The following KDM6A variants were observed in gnomAD, a reference collection of about 807,000 sequenced individuals.
The protein encoded by KDM6A is lysine demethylase 6A, also known as lysine-specific demethylase 6A.
Under a neutral mutation model 117.6 loss-of-function variants are expected in KDM6A, and 11 were observed. That is an observed-to-expected ratio of 0.09 (90% CI 0.06 to 0.15). The LOEUF is 0.15. Ranked by LOEUF, KDM6A falls within the 10% of genes least tolerant of loss-of-function variation. KDM6A has a pLI of 1.00. For missense variants in KDM6A, 799 were observed against 1,077.3 expected (o/e 0.74, Z 3.62); for synonymous variants, 384 against 396.1 (o/e 0.97, Z 0.36).
chrX:44,981,459 C>A (rs1350447116), intron 4 of KDM6A, among the ~76,000 whole-genome samples: 1 of 111,759 alleles, frequency 8.9e-6, no homozygotes, highest in African/African-American at 3.2e-5. Context: ...GGGCATGTCA[C>A]CCTCTAGGGA....
At chrX:45,099,722 G>A (rs1008535285) in intron 27 of KDM6A, among the ~76,000 whole-genome samples, 7 of 111,587 alleles carry the variant, frequency 6.3e-5, no homozygotes, top group South Asian at 3.7e-4. Context: ...TTAATTTTAC[G>A]ACTGGTAGAT....
At chrX:44,881,323 C>T (rs1023322663) in intron 2 of KDM6A, among the ~76,000 whole-genome samples, 2 of 111,323 alleles carry the variant, frequency 1.8e-5, no homozygotes, top group African/African-American at 3.3e-5. Flanking sequence ...CCCAGCTACT[C>T]GAGAGGCTGA....
At chrX:44,908,461 C>T (rs906084314) in intron 2 of KDM6A, among the ~76,000 whole-genome samples, 8 of 111,592 alleles carry the variant, frequency 7.2e-5, no homozygotes, top group Admixed American at 2.9e-4. Flanking sequence ...ACATGTGTGG[C>T]ACCTTGGCAA....
chrX:44,959,377 G>A (rs1023615365), intron 2 of KDM6A, among the ~76,000 whole-genome samples: 1 of 109,314 alleles, frequency 9.1e-6, no homozygotes, highest in South Asian at 3.9e-4. Flanking sequence ...GGCAATTGAT[G>A]ATCAAGGCAG....
In KDM6A at chrX:44,903,884, A is replaced by G. The variant is rs180824402; in HGVS notation, c.225+29897A>G. Among the ~76,000 whole-genome samples, 12 of 111,526 alleles carry G rather than the reference A, an allele frequency of 1.1e-4. No individual in the cohort carries two copies. The East Asian group carries it at 3.4e-3, about 31-fold the overall frequency. ...ACTTTATGTAAAAGATGTTTTTCAT[A>G]TTTTTGTTTACTTGAGGTCATGTTT... On this transcript the variant is annotated intron_variant, in intron 2 of 29. Coordinates refer to ENST00000611820, the MANE Select transcript of KDM6A (RefSeq NM_001291415.2).
intron 3 of KDM6A, among the ~76,000 whole-genome samples, chrX:44,972,297 T>C (rs939608182): frequency 9.0e-6 from 1 of 111,455 alleles, no homozygotes; most frequent in Non-Finnish European, 1.9e-5. Flanking sequence ...ATGATACTGC[T>C]ACCACAAGCC....
At chrX:44,992,638 C>T (rs1490445013) in intron 4 of KDM6A, among the ~76,000 whole-genome samples, 1 of 109,706 alleles carries the variant, frequency 9.1e-6, no homozygotes, top group Non-Finnish European at 1.9e-5. Flanking sequence ...GTAACCTCCA[C>T]CTCCTGGGTT....
intron 27 of KDM6A, among the ~76,000 whole-genome samples, chrX:45,091,218 A>G (rs771145250): frequency 4.5e-5 from 5 of 111,650 alleles, no homozygotes; most frequent in South Asian, 3.7e-4. Context: ...GTTGTCACAG[A>G]CAAATTAGCA....
At position 45,079,303 on chromosome X, in the gene KDM6A, T is replaced by C; in HGVS notation, c.3252T>C (p.Ile1084=). ...HCESNRSHTT[I]AKYAQYQASS... ...AAAGTAATAGATCTCATACTACAATTGCTAAATATGCACAGTACCAGGCCT... is the reference window on the plus strand; with the variant it reads ...AAAGTAATAGATCTCATACTACAATCGCTAAATATGCACAGTACCAGGCCT... Residue 1084 remains isoleucine, a synonymous_variant, in exon 21 of 30, where the codon ATT becomes ATC. Coordinates refer to ENST00000611820, the MANE Select transcript of KDM6A (RefSeq NM_001291415.2). 1 of 1,201,123 alleles carries C rather than the reference T, an allele frequency of 8.3e-7. No individual in the cohort carries two copies. The highest frequency in any genetic ancestry group is 1.1e-6 in the Non-Finnish European group (1 of 886,120).
In KDM6A at chrX:45,051,767, C is replaced by G; in HGVS notation, c.713C>G (p.Ser238Cys). ...CAACTTTTGCAGACAGAGAATCTTT[C>G]TGCACAAGTAAAAGCAACTGTCTTA... is the stretch of plus-strand genomic sequence containing the variant. ...YEQLLQTENL[S>C]AQVKATVLQQ... is the part of the protein sequence containing the mutation. The change falls in exon 9 of 30, where the codon TCT (serine) becomes TGT (cysteine). Residue 238 changes from serine to cysteine, a missense_variant. Ser to Cys is a moderately radical substitution (Grantham distance 112). Coordinates refer to ENST00000611820, the MANE Select transcript of KDM6A (RefSeq NM_001291415.2). 8.4e-7 allele frequency: 1 copy of G among 1,184,446 alleles called. No homozygotes were observed. Among genetic ancestry groups the G allele is most frequent in the Non-Finnish European group, 1.1e-6 (1 of 872,154 alleles).
intron 17 of KDM6A, among the ~76,000 whole-genome samples, chrX:45,066,344 G>A (rs1035303574): frequency 1.8e-5 from 2 of 111,994 alleles, no homozygotes; most frequent in Non-Finnish European, 3.8e-5. Context: ...TCCATATACC[G>A]TGGCATAAAA....
In KDM6A at chrX:44,911,553, G is replaced by A. The variant is rs775112840; in HGVS notation, c.225+37566G>A. Among the ~76,000 whole-genome samples, 17 of 110,738 alleles carry A rather than the reference G, an allele frequency of 1.5e-4. No individual in the cohort carries two copies. In the South Asian group the frequency reaches 4.2e-3, roughly 27 times the overall value. ...TCCTGACTTCCCAGACTGGGCAGCC[G>A]GGCAGAGGGGCTCTTCACATCCCAG... On this transcript the variant is annotated intron_variant, in intron 2 of 29. Coordinates refer to ENST00000611820, the MANE Select transcript of KDM6A (RefSeq NM_001291415.2).
chrX:44,913,514 G>A (rs1311736122), intron 2 of KDM6A, among the ~76,000 whole-genome samples: 2 of 109,557 alleles, frequency 1.8e-5, no homozygotes, highest in Non-Finnish European at 3.8e-5. Context: ...TGTTGGCCAG[G>A]CTGGTCTCGA....
At chrX:44,901,361 A>T (rs1017029127) in intron 2 of KDM6A, among the ~76,000 whole-genome samples, 8 of 106,975 alleles carry the variant, frequency 7.5e-5, no homozygotes, top group South Asian at 4.0e-4. Flanking sequence ...ATCTCAAAAA[A>T]ATATATATAT....
chrX:44,926,266 T>C (rs1051791511), intron 2 of KDM6A, among the ~76,000 whole-genome samples: 35 of 111,029 alleles, frequency 3.2e-4, no homozygotes, highest in African/African-American at 1.0e-3. Context: ...AGAGACAGGG[T>C]TTGGTCATGT....
chrX:44,987,762 T>G (rs1279490017), intron 4 of KDM6A, among the ~76,000 whole-genome samples: 1 of 112,165 alleles, frequency 8.9e-6, no homozygotes, highest in Non-Finnish European at 1.9e-5. Flanking sequence ...TTGTATAGTT[T>G]CTGCTGAGAG....
chrX:45,046,163 T>C (rs1251946864), intron 8 of KDM6A, among the ~76,000 whole-genome samples: 1 of 111,655 alleles, frequency 9.0e-6, no homozygotes, highest in Non-Finnish European at 1.9e-5. Flanking sequence ...TCTTCGGAAA[T>C]CTATTAATAT....
chrX:44,954,134 T>C (rs2038185865), intron 2 of KDM6A, among the ~76,000 whole-genome samples: 1 of 110,152 alleles, frequency 9.1e-6, no homozygotes, highest in Admixed American at 9.7e-5. Flanking sequence ...AAAAGTATAA[T>C]GTGTTGACGT....
At chrX:45,024,943 T>A (rs2042308143) in intron 6 of KDM6A, among the ~76,000 whole-genome samples, 1 of 111,960 alleles carries the variant, frequency 8.9e-6, no homozygotes, top group Admixed American at 9.5e-5. Context: ...CAGCAAACTT[T>A]ATGATCCTAT....
Sources: allele counts gnomAD v4.1 joint callset (sites outside exome capture counted in the v4.1 genomes callset), GRCh38; gene constraint gnomAD v4.1.1; transcripts MANE v1.5; gene names NCBI Gene and HGNC (gene_info 2026-07-23, HGNC 2026-07-21).